Variants in COL5A2 observed in about 807,000 individuals in gnomAD.
COL5A2 encodes collagen type V alpha 2 chain.
In COL5A2, 23 loss-of-function variants were observed where a neutral mutation model predicts 208.2. The observed-to-expected ratio is 0.11, with a 90% confidence interval of 0.08 to 0.16. The LOEUF is 0.16. COL5A2 is among the 10% of genes least tolerant of loss of function. COL5A2 has a pLI of 1.00. For synonymous variants in COL5A2, 625 were observed against 628.5 expected (o/e 0.99, Z 0.08); for missense variants, 1,590 against 1,956.4 (o/e 0.81, Z 3.53).
chr2:189,250,078 C>T, the COL5A2 span, among the ~76,000 whole-genome samples: 17 of 152,240 alleles, frequency 1.1e-4, no homozygotes, highest in African/African-American at 4.1e-4. Context: ...TGGTCTACAG[C>T]CAAGTCATGT....
At chr2:189,256,563 T>C in the COL5A2 span, among the ~76,000 whole-genome samples, 8 of 152,234 alleles carry the variant, frequency 5.3e-5, no homozygotes, top group African/African-American at 1.7e-4. Context: ...CAGCTGACTA[T>C]AACTGGGTGG....
the COL5A2 span, among the ~76,000 whole-genome samples, chr2:189,320,093 C>T: frequency 6.6e-6 from 1 of 152,326 alleles, no homozygotes; most frequent in East Asian, 1.9e-4. Flanking sequence ...AACAGACCTG[C>T]AGCTGAGGAT....
At chr2:189,148,823 T>C (rs1000470268) in intron 1 of COL5A2, among the ~76,000 whole-genome samples, 9 of 152,208 alleles carry the variant, frequency 5.9e-5, no homozygotes, top group Admixed American at 2.0e-4. Context: ...CTCATTTTAA[T>C]GTTGACATGG....
the COL5A2 span, among the ~76,000 whole-genome samples, chr2:189,396,703 G>A: frequency 4.5e-3 from 661 of 145,286 alleles, 4 homozygotes; most frequent in Admixed American, 0.011. Context: ...AATAAATGAG[G>A]CCGGGCGCGG....
intron 1 of COL5A2, among the ~76,000 whole-genome samples, chr2:189,212,249 C>T (rs966289702): frequency 2.6e-5 from 4 of 152,086 alleles, no homozygotes; most frequent in Admixed American, 6.5e-5. Flanking sequence ...GAGATGCTAC[C>T]GAGCTTACTG....
chr2:189,339,960 C>A, the COL5A2 span, among the ~76,000 whole-genome samples: 1 of 152,172 alleles, frequency 6.6e-6, no homozygotes, highest in Admixed American at 6.5e-5. Flanking sequence ...TTCTATGGGA[C>A]AACTGGGCCA....
chr2:189,142,817 C>T (rs1687959516), intron 1 of COL5A2, among the ~76,000 whole-genome samples: 1 of 152,054 alleles, frequency 6.6e-6, no homozygotes, highest in South Asian at 2.1e-4. Flanking sequence ...CAACTTTGTC[C>T]TCACCTTCAG....
intron 33 of COL5A2, 103 bp downstream of exon 33, chr2:189,058,326 A>C: frequency 1.1e-6 from 1 of 948,276 alleles, no homozygotes; most frequent in East Asian, 2.5e-5. Flanking sequence ...ATATAATCAA[A>C]TTATCTTTCA....
intron 1 of COL5A2, among the ~76,000 whole-genome samples, chr2:189,149,233 G>C (rs1054602390): frequency 7.9e-5 from 12 of 152,096 alleles, no homozygotes; most frequent in African/African-American, 2.9e-4. Flanking sequence ...GCTAATGTTA[G>C]GTGAAGATTT....
At chr2:189,421,617 AC>A in the COL5A2 span, among the ~76,000 whole-genome samples, 2 of 151,476 alleles carry the variant, frequency 1.3e-5, no homozygotes, top group African/African-American at 2.4e-5. Flanking sequence ...TACCACACAG[AC>A]CCCCACAGCC....
the COL5A2 span, among the ~76,000 whole-genome samples, chr2:189,378,284 T>C: frequency 6.6e-6 from 1 of 152,066 alleles, no homozygotes; most frequent in Non-Finnish European, 1.5e-5. Flanking sequence ...AAATAGAAAA[T>C]AGTTGTCATA....
At chr2:189,160,038 A>T (rs1399984626) in intron 1 of COL5A2, among the ~76,000 whole-genome samples, 1 of 152,150 alleles carries the variant, frequency 6.6e-6, no homozygotes, top group Non-Finnish European at 1.5e-5. Context: ...TTCAGGTAAC[A>T]TAGAGTGTTG....
the COL5A2 span, among the ~76,000 whole-genome samples, chr2:189,428,448 T>C: frequency 1.3e-5 from 2 of 151,828 alleles, no homozygotes; most frequent in East Asian, 3.9e-4. Flanking sequence ...TGAAATCCCA[T>C]CTCTACTAAA....
rs1553515338 is a variant in COL5A2 at position 189,063,233 on chromosome 2, C to G, written c.1808G>C (p.Gly603Ala). ...GGGCTGCCCTCTGATTCCTATGGAG[C>G]CTGGAGGACCTGGACGGCCATCTTC... is the stretch of plus-strand genomic sequence containing the variant. ...PGEDGRPGPP[G>A]SIGIRGQPGS... The change falls in exon 27 of 54, where the codon GGC becomes GCC. Residue 603 changes from glycine to alanine, a missense_variant. Coordinates refer to ENST00000374866, the MANE Select transcript of COL5A2 (RefSeq NM_000393.5). The G allele has an allele frequency of 6.2e-7, 1 of 1,614,110 alleles. No homozygotes were observed. The highest frequency in any genetic ancestry group is 1.7e-4 in the Middle Eastern group (1 of 6,052).
intron 1 of COL5A2, among the ~76,000 whole-genome samples, chr2:189,185,876 C>T (rs1242627619): frequency 1.3e-5 from 2 of 152,044 alleles, no homozygotes; most frequent in African/African-American, 2.4e-5. Flanking sequence ...GTGTCAATCC[C>T]GGAGAACCAG....
rs770497804 is a variant in COL5A2 at position 189,043,242 on chromosome 2, C to T, written c.3380G>A (p.Arg1127His). 9.3e-6 allele frequency: 15 copies of T among 1,613,244 alleles called. No individual in the cohort carries two copies. The highest frequency in any genetic ancestry group is 1.2e-5 in the Non-Finnish European group (14 of 1,179,452). The part of the protein sequence containing the change: ...KRGLPGPQGP[R>H]GDKGDHGDRG... The stretch of plus-strand genomic sequence containing the variant: ...GTCTCCATGATCACCTTTGTCACCA[C>T]GAGGTCCTTGGGGTCCCTAGAAATA... Residue 1127 changes from arginine to histidine, a missense_variant, in exon 48 of 54, where the codon CGT becomes CAT. Physicochemically the swap from Arg to His is conservative, Grantham distance 29. Coordinates refer to ENST00000374866, the MANE Select transcript of COL5A2 (RefSeq NM_000393.5).
intron 1 of COL5A2, among the ~76,000 whole-genome samples, chr2:189,139,812 C>T (rs1245044119): frequency 2.0e-5 from 3 of 151,882 alleles, no homozygotes; most frequent in East Asian, 1.9e-4. Flanking sequence ...CAGTGGCTCA[C>T]GCCTGTAACC....
At chr2:189,177,463 T>C (rs1482378198) in intron 1 of COL5A2, among the ~76,000 whole-genome samples, 1 of 152,232 alleles carries the variant, frequency 6.6e-6, no homozygotes, top group Non-Finnish European at 1.5e-5. Context: ...GCTCTGAATA[T>C]ACTATACTCT....
intron 1 of COL5A2, among the ~76,000 whole-genome samples, chr2:189,125,908 CT>C (rs1687598718): frequency 1.3e-5 from 2 of 151,992 alleles, no homozygotes. Flanking sequence ...TTGCTTATTT[CT>C]TATGGGATCC....
Sources: gnomAD v4.1 joint callset for allele counts (sites outside exome capture counted in the v4.1 genomes callset) on GRCh38, gnomAD v4.1.1 for gene constraint, MANE v1.5 for transcripts, NCBI Gene and HGNC (gene_info 2026-07-23, HGNC 2026-07-21) for gene names.